The following EPM2A variants were observed in gnomAD, a reference collection of about 807,000 sequenced individuals.
The protein encoded by EPM2A is laforin.
In EPM2A, 21 loss-of-function variants were observed where a neutral mutation model predicts 26.5. The ratio of observed to expected loss-of-function variants is 0.79; its 90% CI spans 0.56 to 1.14. The LOEUF is 1.14. Among genes scored for constraint, EPM2A ranks in the 50% most tolerant of loss-of-function variants. The probability of loss-of-function intolerance (pLI) is 0.00; values close to 1 mark genes in which losing one functional copy is unlikely to be tolerated. For synonymous variants in EPM2A, 217 were observed against 177.6 expected (o/e 1.22, Z -1.76); for missense variants, 458 against 440.8 (o/e 1.04, Z -0.35).
chr6:145,396,305 T>A (rs980930301), intron 4 of EPM2A, among the ~76,000 whole-genome samples: 15 of 152,150 alleles, frequency 9.9e-5, no homozygotes, highest in Admixed American at 6.6e-5. Flanking sequence ...CTCATTCCCT[T>A]TCCCATCTGA....
At chr6:145,525,272 G>C (rs1230699152) in intron 2 of EPM2A, among the ~76,000 whole-genome samples, 2 of 149,398 alleles carry the variant, frequency 1.3e-5, no homozygotes, top group Admixed American at 6.7e-5. Flanking sequence ...GCTTAGTATT[G>C]CTTTGGCGAT....
At chr6:145,494,849 G>T (rs192169175) in intron 4 of EPM2A, among the ~76,000 whole-genome samples, 1 of 152,204 alleles carries the variant, frequency 6.6e-6, no homozygotes, top group Non-Finnish European at 1.5e-5. Context: ...TGCTCAGAGA[G>T]ACTGTTTGTT....
At chr6:145,649,746 A>C (rs1400205963) in intron 2 of EPM2A, among the ~76,000 whole-genome samples, 2 of 152,194 alleles carry the variant, frequency 1.3e-5, no homozygotes, top group African/African-American at 4.8e-5. Flanking sequence ...AGCCACACTC[A>C]TTTGTTTACA....
intron 2 of EPM2A, among the ~76,000 whole-genome samples, chr6:145,674,611 A>C (rs1038798132): frequency 3.3e-5 from 5 of 152,236 alleles, no homozygotes; most frequent in Non-Finnish European, 7.3e-5. Context: ...GACGGAGCTG[A>C]AAACCATGGC....
In EPM2A at chr6:145,450,267, G is replaced by C. The variant is rs542849139; in HGVS notation, c.555+52255C>G. ...ACTCGGGAGGCTGAGGCAGGAGAAT[G>C]ACATGAACCTGGGAGGCTGAGCTTG... On this transcript the variant is annotated intron_variant, in intron 4 of 4. Transcript: ENST00000638717. Among the ~76,000 whole-genome samples the C allele has an allele frequency of 2.6e-3, 375 of 146,076 alleles. 3 individuals are homozygous for C. The highest frequency in any genetic ancestry group is 9.0e-3 in the African/African-American group (358 of 39,890).
intron 4 of EPM2A, among the ~76,000 whole-genome samples, chr6:145,426,267 A>G (rs534932300): frequency 6.6e-6 from 1 of 152,260 alleles, no homozygotes; most frequent in Admixed American, 6.5e-5. Flanking sequence ...GGCAGTCTTC[A>G]CACTGCTCCC....
chr6:145,690,521 G>GAAAAAAAAA, intron 1 of EPM2A, among the ~76,000 whole-genome samples: 1 of 87,010 alleles, frequency 1.1e-5, no homozygotes, highest in Non-Finnish European at 2.2e-5. Context: ...CGTCTCAAAA[G>GAAAAAAAAA]AAAAAAAAAA....
chr6:145,388,816 A>G (rs1318091803), intron 4 of EPM2A, among the ~76,000 whole-genome samples: 4 of 152,122 alleles, frequency 2.6e-5, no homozygotes, highest in African/African-American at 9.7e-5. Context: ...TTCCAGCTTC[A>G]TCCATGTCCC....
chr6:145,384,473 A>T (rs906770515), intron 4 of EPM2A, among the ~76,000 whole-genome samples: 2 of 147,704 alleles, frequency 1.4e-5, no homozygotes, highest in African/African-American at 5.0e-5. Context: ...CGGTGTCAAT[A>T]AAGGCATAAG....
At chr6:145,562,129 A>T (rs1216297119) in intron 2 of EPM2A, among the ~76,000 whole-genome samples, 52 of 135,150 alleles carry the variant, frequency 3.8e-4, no homozygotes, top group African/African-American at 1.2e-3. Flanking sequence ...TACAAAAAGG[A>T]AAAAAAAAAA....
At chr6:145,651,947 G>A (rs1296556543) in intron 2 of EPM2A, among the ~76,000 whole-genome samples, 2 of 152,086 alleles carry the variant, frequency 1.3e-5, no homozygotes, top group East Asian at 3.9e-4. Context: ...TGGTATTTAA[G>A]GTAGGCAACT....
chr6:145,389,242 G>T (rs2015815), intron 4 of EPM2A, among the ~76,000 whole-genome samples: 1 of 148,918 alleles, frequency 6.7e-6, no homozygotes, highest in Admixed American at 6.7e-5. Flanking sequence ...ACTCTGTCAC[G>T]AGTGCAGTGG....
At chr6:145,694,075 T>C (rs116998743) in intron 1 of EPM2A, among the ~76,000 whole-genome samples, 2,317 of 152,156 alleles carry the variant, frequency 0.015, 26 homozygotes, top group Middle Eastern at 0.027. Context: ...ATTGGTTAAA[T>C]ATCTATTGGA....
chr6:145,490,518 G>C (rs1461444552), intron 4 of EPM2A: 1 of 719,004 alleles, frequency 1.4e-6, no homozygotes, highest in Non-Finnish European at 2.6e-6. Context: ...GCTTCTCACA[G>C]TACTGACATA....
intron 4 of EPM2A, among the ~76,000 whole-genome samples, chr6:145,454,181 A>G (rs1779232178): frequency 6.6e-6 from 1 of 152,236 alleles, no homozygotes; most frequent in Non-Finnish European, 1.5e-5. Flanking sequence ...TTTCAATAAT[A>G]TGGTAGATTA....
chr6:145,627,898 G>A, intron 3 of EPM2A: 3 of 678,090 alleles, frequency 4.4e-6, no homozygotes, highest in Non-Finnish European at 7.4e-6. Context: ...CATTCCAGAG[G>A]CCAGAGGCTC....
At chr6:145,405,562 G>C (rs991205172) in intron 4 of EPM2A, among the ~76,000 whole-genome samples, 2 of 152,082 alleles carry the variant, frequency 1.3e-5, no homozygotes, top group African/African-American at 4.8e-5. Flanking sequence ...TTCTAAATAA[G>C]TTTTAAACTC....
At chr6:145,445,927 T>C (rs904942980) in intron 4 of EPM2A, among the ~76,000 whole-genome samples, 8 of 152,206 alleles carry the variant, frequency 5.3e-5, no homozygotes, top group African/African-American at 1.4e-4. Context: ...GGTTATGTTA[T>C]TGGTGGTCTT....
At chr6:145,396,698 C>T (rs2114662693) in intron 4 of EPM2A, among the ~76,000 whole-genome samples, 1 of 152,318 alleles carries the variant, frequency 6.6e-6, no homozygotes, top group South Asian at 2.1e-4. Flanking sequence ...AGTTAACTTT[C>T]ACTTCCCTTC....
Sources: allele counts gnomAD v4.1 joint callset (sites outside exome capture counted in the v4.1 genomes callset), GRCh38; gene constraint gnomAD v4.1.1; transcripts MANE v1.5; gene names NCBI Gene and HGNC (gene_info 2026-07-23, HGNC 2026-07-21).